LONP2: variants seen among roughly 807,000 people sequenced by gnomAD.
The protein encoded by LONP2 is lon protease homolog 2, peroxisomal.
LONP2 carries 60 observed loss-of-function variants against 85.6 expected under a neutral mutation model. The observed-to-expected ratio is 0.70, with a 90% CI of 0.57 to 0.87. The LOEUF is 0.87. LONP2 is among the 40% of genes least tolerant of loss of function. The pLI is 0.00. For missense variants in LONP2, 860 were observed against 1,063.5 expected (o/e 0.81, Z 2.66); for synonymous variants, 395 against 389.7 (o/e 1.01, Z -0.16).
chr16:48,297,709 T>G (rs1036141016), intron 9 of LONP2, among the ~76,000 whole-genome samples: 1 of 148,192 alleles, frequency 6.7e-6, no homozygotes, highest in African/African-American at 2.5e-5. Context: ...TTTCTGTTTG[T>G]TTTTTTTTTG....
At chr16:48,286,344 T>C (rs916843939) in intron 8 of LONP2, among the ~76,000 whole-genome samples, 1 of 151,972 alleles carries the variant, frequency 6.6e-6, no homozygotes, top group Non-Finnish European at 1.5e-5. Context: ...GGTTTCACCA[T>C]GTTAGCCAGG....
chr16:48,334,890 C>G, intron 12 of LONP2: 1 of 411,230 alleles, frequency 2.4e-6, no homozygotes, highest in Non-Finnish European at 4.9e-6. Flanking sequence ...TCACTCCATT[C>G]TCATTTTTTT....
At chr16:48,278,139 CTT>C (rs1972253404) in intron 8 of LONP2, among the ~76,000 whole-genome samples, 1 of 152,022 alleles carries the variant, frequency 6.6e-6, no homozygotes, top group Admixed American at 6.6e-5. Flanking sequence ...ACTGTGATCA[CTT>C]TTCCTGTTCC....
chr16:48,256,869 A>G, intron 3 of LONP2, 128 bp downstream of exon 3: 1 of 787,524 alleles, frequency 1.3e-6, no homozygotes. Flanking sequence ...ATGCTTTTAC[A>G]TTTAAACTGA....
At position 48,345,473 on chromosome 16, in the gene LONP2, T is replaced by A. The variant is rs569660331; in HGVS notation, c.1939-2034T>A. 1.1e-4 allele frequency: 16 copies of A among 152,358 alleles called. No homozygotes were observed. In the East Asian group the frequency reaches 1.3e-3, roughly 13 times the overall value. The allele number at this position is 152,358 out of a possible 1,614,324, so 9.4% of individuals were successfully genotyped here. ...AAATTAGATGTATGTCATTCAGGTA[T>A]AGAGAATTGATTTTATATTAGAAAA... On this transcript the variant is annotated intron_variant, in intron 12 of 14. Transcript: ENST00000285737.
chr16:48,348,198 G>A lies in LONP2; in HGVS notation c.2245G>A (p.Val749Ile), dbSNP rs2151033600. 6.2e-7 allele frequency: 1 copy of A among 1,613,166 alleles called. No individual in the cohort carries two copies. The highest frequency in any genetic ancestry group is 8.5e-7 in the Non-Finnish European group (1 of 1,179,792). Residue 749 changes from valine to isoleucine, a missense_variant, in exon 14 of 15, where the codon GTA (valine) becomes ATA (isoleucine). Physicochemically the swap from Val to Ile is conservative, Grantham distance 29. Coordinates refer to ENST00000285737, the MANE Select transcript of LONP2 (RefSeq NM_031490.5). ...TGGACCATCTGCTGGAGTTACCATA[G>A]TAACCTGTCTCGCCTCACTTTTTAG... ...KDGPSAGVTIVTCLASLFSGR... is the reference protein window; with the variant it reads ...KDGPSAGVTIITCLASLFSGR...
intron 8 of LONP2, among the ~76,000 whole-genome samples, chr16:48,278,447 A>T (rs1972261255): frequency 6.6e-6 from 1 of 152,000 alleles, no homozygotes; most frequent in Non-Finnish European, 1.5e-5. Flanking sequence ...TAACTCCCTG[A>T]TAGTTTCCTG....
In LONP2 at chr16:48,247,136, TG is replaced by T. The variant is rs1971435148; in HGVS notation, c.233+2516del. Among the ~76,000 whole-genome samples, 10 of 152,420 alleles carry T rather than the reference TG, an allele frequency of 6.6e-5. No individual in the cohort carries two copies. The South Asian group carries it at 2.1e-3, about 32-fold the overall frequency. On this transcript the variant is annotated intron_variant, in intron 1 of 14. Coordinates refer to ENST00000285737, the MANE Select transcript of LONP2 (RefSeq NM_031490.5). The stretch of plus-strand genomic sequence containing the variant: ...TATTGTTTGCTACTTAAAAAGCCTA[TG>T]TGGAAAGATTGTACCATATTCCTTG...
At chr16:48,294,326 T>G (rs1264398039) in intron 8 of LONP2, among the ~76,000 whole-genome samples, 2 of 152,228 alleles carry the variant, frequency 1.3e-5, no homozygotes, top group Admixed American at 6.5e-5. Context: ...CCTTGATTAC[T>G]TGAAAGTACT....
chr16:48,296,072 G>T lies in LONP2; in HGVS notation c.1441G>T (p.Asp481Tyr). 1 of 1,614,082 alleles carries T rather than the reference G, an allele frequency of 6.2e-7. No individual in the cohort carries two copies. ...FTDHYLNVAF[D>Y]LSQVLFIATA... ...AGATCATTATCTAAATGTGGCCTTT[G>T]ACCTTTCTCAAGTTCTTTTTATAGC... Residue 481 changes from aspartate to tyrosine, a missense_variant, in exon 9 of 15, where the codon GAC becomes TAC. Asp to Tyr is a radical substitution (Grantham distance 160). This residue lies in a region of LONP2 where 743 missense variants were observed against 917.3 expected (regional missense o/e 0.81). Transcript: ENST00000285737.
At chr16:48,297,460 C>T (rs898973289) in intron 9 of LONP2, among the ~76,000 whole-genome samples, 10 of 151,992 alleles carry the variant, frequency 6.6e-5, no homozygotes, top group African/African-American at 2.2e-4. Flanking sequence ...CAGGTGTGCA[C>T]CATCACACCT....
downstream of LONP2, chr16:48,362,348 G>T (rs1960623439): frequency 1.2e-6 from 2 of 1,614,208 alleles, no homozygotes; most frequent in Non-Finnish European, 1.7e-6. The surrounding 1 kb of genome is among the most constrained non-coding windows in gnomAD (Gnocchi z 4.2). Context: ...ATGCAGTTGT[G>T]CCAGTCAGGG....
intron 4 of LONP2, among the ~76,000 whole-genome samples, chr16:48,261,012 A>G (rs1054561970): frequency 1.3e-5 from 2 of 152,222 alleles, no homozygotes; most frequent in African/African-American, 4.8e-5. Context: ...GATGCTAGGA[A>G]GAAATTTTGT....
intron 14 of LONP2, among the ~76,000 whole-genome samples, 159 bp from the exon 15 acceptor site, chr16:48,351,422 C>CT (rs1414380999): frequency 6.6e-6 from 1 of 152,126 alleles, no homozygotes; most frequent in African/African-American, 2.4e-5. Context: ...ACTACTTATC[C>CT]TTTTTCCTGG....
Position 48,362,775 on chromosome 16 carries a change from G to A in LONP2, c.*912G>A, listed in dbSNP as rs957744381. On this transcript the variant is annotated 3_prime_UTR_variant, in exon 5 of 5. Coordinates refer to the LONP2 transcript ENST00000565867. This position sits in a 1 kb window ranked among gnomAD's most constrained non-coding sequence, Gnocchi z 4.2. ...CTATACAAGGAACTGAAGTTTAATC[G>A]AATCCGTTTTGCTAGGACTCTCCCT... 4.5e-5 allele frequency: 10 copies of A among 224,482 alleles called. No homozygotes were observed. The highest frequency in any genetic ancestry group is 1.4e-4 in the African/African-American group (6 of 41,898). 13.9% of individuals were successfully genotyped at this position (224,482 alleles called of 1,614,324 possible).
intron 12 of LONP2, among the ~76,000 whole-genome samples, chr16:48,342,522 C>T (rs1396916338): frequency 3.3e-5 from 5 of 152,182 alleles, no homozygotes; most frequent in Non-Finnish European, 7.3e-5. Flanking sequence ...AACAGGAATC[C>T]GTTGTGCCAA....
At position 48,351,704 on chromosome 16, in the gene LONP2, T is replaced by A; in HGVS notation, c.2461T>A (p.Phe821Ile). The change falls in exon 15 of 15, where the codon TTT becomes ATT. Residue 821 changes from phenylalanine to isoleucine, a missense_variant. Physicochemically the swap from Phe to Ile is conservative, Grantham distance 21. This residue lies in a region of LONP2 where 115 missense variants were observed against 129.0 expected (regional missense o/e 0.89). Coordinates refer to ENST00000285737, the MANE Select transcript of LONP2 (RefSeq NM_031490.5). ...AGGCAACGTACGACAGGATTTAAGT[T>A]TTGTCACAGCAAGCTGCCTGGATGA... ...IPGNVRQDLS[F>I]VTASCLDEVL... 6.2e-7 allele frequency: 1 copy of A among 1,614,168 alleles called. No homozygotes were observed. The highest frequency in any genetic ancestry group is 8.5e-7 in the Non-Finnish European group (1 of 1,180,030).
In LONP2 at chr16:48,251,963, G is replaced by A. The variant is rs181031148; in HGVS notation, c.234-168G>A. Reference sequence around the variant, plus strand: ...CTTTGCCATATAGCTGAGGGTAGTGGCAGAAGAGGCCACATACTGGATGCT... The same window carrying A: ...CTTTGCCATATAGCTGAGGGTAGTGACAGAAGAGGCCACATACTGGATGCT... On this transcript the variant is annotated intron_variant, in intron 1 of 14. Transcript: ENST00000285737. 7.3e-3 allele frequency among the ~76,000 whole-genome samples: 1,108 copies of A among 152,248 alleles called. 7 individuals carry two copies. Among genetic ancestry groups the A allele is most frequent in the Non-Finnish European group, 0.011 (772 of 68,010 alleles).
chr16:48,250,492 A>C (rs549528052), intron 1 of LONP2, among the ~76,000 whole-genome samples: 12 of 152,068 alleles, frequency 7.9e-5, no homozygotes, highest in South Asian at 6.2e-4. Context: ...AAAAAAAAAA[A>C]CAAAAAACAA....
Sources: allele counts gnomAD v4.1 joint callset (sites outside exome capture counted in the v4.1 genomes callset), GRCh38; gene constraint gnomAD v4.1.1; regional missense constraint gnomAD v4.1.1; non-coding constraint Gnocchi (gnomAD v3.1); transcripts MANE v1.5; gene names NCBI Gene and HGNC (gene_info 2026-07-23, HGNC 2026-07-21).